ATAD3C: variants seen among roughly 807,000 people sequenced by gnomAD.
ATAD3C encodes the protein ATPase family AAA domain-containing protein 3C.
Under a neutral mutation model 46.3 loss-of-function variants are expected in ATAD3C, and 38 were observed. The ratio of observed to expected loss-of-function variants is 0.82; its 90% CI spans 0.63 to 1.08. The LOEUF (loss-of-function observed/expected upper bound fraction) is 1.08, where lower values mean the gene tolerates loss of function less well. Among genes scored for constraint, ATAD3C ranks in the 50% least tolerant of loss-of-function variants. The pLI is 0.00. For synonymous variants in ATAD3C, 220 were observed against 236.4 expected (o/e 0.93, Z 0.63); for missense variants, 563 against 572.7 (o/e 0.98, Z 0.17).
intron 11 of ATAD3C, among the ~76,000 whole-genome samples, chr1:1,465,612 AAAG>A (rs898470645): frequency 6.6e-6 from 1 of 150,538 alleles, no homozygotes; most frequent in Non-Finnish European, 1.5e-5. Context: ...AAAAAAAAAA[AAAG>A]ATTATTCATT....
rs1194825973 is a variant in ATAD3C at position 1,468,505 on chromosome 1, C to A, written c.1211C>A (p.Pro404His). The A allele has an allele frequency of 6.2e-7, 1 of 1,608,776 alleles. No homozygotes were observed. Among genetic ancestry groups the A allele is most frequent in the African/African-American group, 1.3e-5 (1 of 74,670 alleles). Residue 404 changes from proline to histidine, a missense_variant, in exon 12 of 12, where the codon CCC becomes CAC. Coordinates refer to ENST00000378785, the MANE Select transcript of ATAD3C (RefSeq NM_001039211.3). Reference sequence around the variant, plus strand: ...TGGCTGAAGGGGGAGAGGCCTGGGCCCGAGGACGAGCAACCCTCATCCTGA... The same window carrying A: ...TGGCTGAAGGGGGAGAGGCCTGGGCACGAGGACGAGCAACCCTCATCCTGA... ...MRWLKGERPG[P>H]EDEQPSS
intron 11 of ATAD3C, among the ~76,000 whole-genome samples, chr1:1,464,358 G>A (rs1386530258): frequency 1.3e-5 from 2 of 151,914 alleles, no homozygotes; most frequent in African/African-American, 4.8e-5. Context: ...GGGTCCTCAT[G>A]TGGCAGAGAG....
intron 9 of ATAD3C, among the ~76,000 whole-genome samples, 154 bp from the exon 10 acceptor site, chr1:1,460,596 C>T (rs1639039675): frequency 6.6e-6 from 1 of 152,114 alleles, no homozygotes; most frequent in Non-Finnish European, 1.5e-5. Context: ...GTGACCATGG[C>T]TGTGGCTGCG....
Sources: gnomAD v4.1 joint callset for allele counts (sites outside exome capture counted in the v4.1 genomes callset) on GRCh38, gnomAD v4.1.1 for gene constraint, MANE v1.5 for transcripts, NCBI Gene and HGNC (gene_info 2026-07-23, HGNC 2026-07-21) for gene names.